Variants in TBC1D5 observed in about 807,000 individuals in gnomAD.
TBC1D5 encodes the protein TBC1 domain family member 5.
A neutral mutation model predicts 100.3 loss-of-function variants in TBC1D5; 75 were observed. The ratio of observed to expected loss-of-function variants is 0.75; its 90% CI spans 0.62 to 0.91. The LOEUF (loss-of-function observed/expected upper bound fraction) is 0.91. Ranked by LOEUF, TBC1D5 falls within the 40% of genes least tolerant of loss-of-function variation. TBC1D5 has a pLI of 0.00. For synonymous variants in TBC1D5, 323 were observed against 325.6 expected (o/e 0.99, Z 0.09); for missense variants, 910 against 942.4 (o/e 0.97, Z 0.45).
intron 2 of TBC1D5, among the ~76,000 whole-genome samples, chr3:17,575,681 TAAGAA>T: frequency 6.6e-6 from 1 of 152,256 alleles, no homozygotes; most frequent in South Asian, 2.1e-4. Context: ...CATGAGAACA[TAAGAA>T]AAGGACATTA....
chr3:17,535,659 A>T (rs1369233308), intron 2 of TBC1D5, among the ~76,000 whole-genome samples: 2 of 152,160 alleles, frequency 1.3e-5, no homozygotes, highest in Non-Finnish European at 2.9e-5. Flanking sequence ...TAAAATAAAA[A>T]TCTGTTTAGT....
intron 15 of TBC1D5, among the ~76,000 whole-genome samples, chr3:17,267,417 G>T (rs960870232): frequency 6.6e-6 from 1 of 151,792 alleles, no homozygotes; most frequent in Non-Finnish European, 1.5e-5. Flanking sequence ...TTACTTCAAC[G>T]CTTTAAGAAA....
intron 2 of TBC1D5, among the ~76,000 whole-genome samples, chr3:17,594,600 T>C (rs1576910688): frequency 6.6e-6 from 1 of 152,218 alleles, no homozygotes; most frequent in African/African-American, 2.4e-5. Context: ...TATACACTTG[T>C]ACTAAGAAAA....
At chr3:17,379,128 T>C (rs965045925) in intron 9 of TBC1D5, among the ~76,000 whole-genome samples, 5 of 152,054 alleles carry the variant, frequency 3.3e-5, no homozygotes, top group Admixed American at 2.6e-4. Context: ...TGATTCTATT[T>C]TTTTATTCCA....
intron 15 of TBC1D5, among the ~76,000 whole-genome samples, chr3:17,276,172 G>A (rs776989185): frequency 4.6e-5 from 7 of 152,098 alleles, no homozygotes; most frequent in African/African-American, 1.7e-4. Flanking sequence ...CTCATTCCTC[G>A]GTTCATAGAT....
chr3:17,435,223 T>C (rs976046283), intron 3 of TBC1D5, among the ~76,000 whole-genome samples: 1 of 152,140 alleles, frequency 6.6e-6, no homozygotes, highest in Non-Finnish European at 1.5e-5. Context: ...CTCAAAACTA[T>C]TCCAACCTGT....
intron 17 of TBC1D5, among the ~76,000 whole-genome samples, chr3:17,214,717 T>C (rs528878497): frequency 6.6e-6 from 1 of 152,164 alleles, no homozygotes; most frequent in South Asian, 2.1e-4. Flanking sequence ...AATAATCCCT[T>C]AATTACAGAA....
intron 9 of TBC1D5, among the ~76,000 whole-genome samples, chr3:17,378,626 T>C (rs2092805122): frequency 6.6e-6 from 1 of 151,852 alleles, no homozygotes. Context: ...TTATCATTAG[T>C]CTTACTTTTG....
At chr3:17,702,366 GGT>G (rs1491094380) in intron 1 of TBC1D5, 3 of 1,796 alleles carry the variant, frequency 1.7e-3, no homozygotes, top group Non-Finnish European at 2.9e-3. Context: ...TTATATAAAT[GGT>G]GTTTTTTCAA....
intron 15 of TBC1D5, among the ~76,000 whole-genome samples, chr3:17,259,712 CGG>C (rs35911600): frequency 8.7e-6 from 1 of 114,724 alleles, no homozygotes; most frequent in Non-Finnish European, 1.9e-5. Flanking sequence ...CATGCAGGCA[CGG>C]GGGGGGTTGC....
At chr3:17,344,783 C>A (rs1228376890) in intron 13 of TBC1D5, among the ~76,000 whole-genome samples, 1 of 152,148 alleles carries the variant, frequency 6.6e-6, no homozygotes, top group Non-Finnish European at 1.5e-5. Context: ...ACTATCTGAT[C>A]TTTGACAAAC....
intron 1 of TBC1D5, among the ~76,000 whole-genome samples, chr3:17,672,908 C>T (rs1207427750): frequency 6.6e-6 from 1 of 152,064 alleles, no homozygotes; most frequent in African/African-American, 2.4e-5. Context: ...AGTATCCTGA[C>T]CCTTAATGTC....
chr3:17,581,576 T>G (rs1315660047), intron 2 of TBC1D5, among the ~76,000 whole-genome samples: 1 of 152,138 alleles, frequency 6.6e-6, no homozygotes, highest in Non-Finnish European at 1.5e-5. Flanking sequence ...ACTCTTGGAG[T>G]CATTCTTGAC....
At chr3:17,289,471 T>TA (rs1266528503) in intron 15 of TBC1D5, among the ~76,000 whole-genome samples, 1 of 151,928 alleles carries the variant, frequency 6.6e-6, no homozygotes, top group East Asian at 1.9e-4. Context: ...CCATATCTAC[T>TA]AAAAATACAA....
At chr3:17,177,098 T>G (rs2067846552) in intron 19 of TBC1D5, among the ~76,000 whole-genome samples, 1 of 152,194 alleles carries the variant, frequency 6.6e-6, no homozygotes, top group Non-Finnish European at 1.5e-5. Flanking sequence ...GATGATGGAC[T>G]TGGTATTAAA....
chr3:17,684,586 G>A (rs1425509776), intron 1 of TBC1D5, among the ~76,000 whole-genome samples: 1 of 151,946 alleles, frequency 6.6e-6, no homozygotes, highest in Non-Finnish European at 1.5e-5. Context: ...CCTAATAACT[G>A]CTCTATGTTA....
intron 13 of TBC1D5, among the ~76,000 whole-genome samples, chr3:17,341,403 A>T (rs1046909636): frequency 6.6e-6 from 1 of 152,048 alleles, no homozygotes; most frequent in African/African-American, 2.4e-5. Flanking sequence ...TCACTGTGTT[A>T]GCCAGGATGG....
At chr3:17,370,248 G>A (rs2092386554) in intron 13 of TBC1D5, among the ~76,000 whole-genome samples, 1 of 152,164 alleles carries the variant, frequency 6.6e-6, no homozygotes, top group East Asian at 1.9e-4. Flanking sequence ...AAATTATAAA[G>A]CATTTCAAAG....
chr3:17,630,697 TGAAATAAAA>T (rs1166220462), intron 1 of TBC1D5, among the ~76,000 whole-genome samples: 2 of 152,002 alleles, frequency 1.3e-5, no homozygotes, highest in African/African-American at 2.4e-5. Flanking sequence ...GCCTCTCATT[TGAAATAAAA>T]AGCTATTTTT....
Sources: allele counts gnomAD v4.1 joint callset (sites outside exome capture counted in the v4.1 genomes callset), GRCh38; gene constraint gnomAD v4.1.1; transcripts MANE v1.5; gene names NCBI Gene and HGNC (gene_info 2026-07-23, HGNC 2026-07-21).